VPS13D: variants seen among roughly 807,000 people sequenced by gnomAD.
VPS13D encodes the protein vacuolar protein sorting 13 homolog D, also known as intermembrane lipid transfer protein VPS13D.
Under a neutral mutation model 461.9 loss-of-function variants are expected in VPS13D, and 187 were observed. The observed-to-expected ratio is 0.40, with a 90% confidence interval of 0.36 to 0.46. The LOEUF (loss-of-function observed/expected upper bound fraction) is 0.46. Among genes scored for constraint, VPS13D ranks in the 20% least tolerant of loss-of-function variants. The pLI, the probability that VPS13D is intolerant of heterozygous loss-of-function variation, is 0.60. For missense variants in VPS13D, 4,711 were observed against 5,364.9 expected, an observed-to-expected ratio of 0.88 and a Z score of 3.81; for synonymous variants, 1,951 against 1,986.3, an observed-to-expected ratio of 0.98 and a Z score of 0.47.
At chr1:12,475,486 G>A (rs1476952479) in intron 67 of VPS13D, among the ~76,000 whole-genome samples, 2 of 152,232 alleles carry the variant, frequency 1.3e-5, no homozygotes, top group Non-Finnish European at 2.9e-5. Context: ...ATATATGGCA[G>A]CCCGATAATG....
chr1:12,260,797 A>C lies in VPS13D; in HGVS notation c.1212+3A>C. ...ACAAACAGGAAGAACTAGCAGAGGT[A>C]AGAAATCCTCTACAAGAGGATTTGT... On this transcript the variant is annotated splice_donor_region_variant and intron_variant, in intron 11 of 69. Coordinates refer to ENST00000620676, the MANE Select transcript of VPS13D (RefSeq NM_015378.4). 3.7e-6 allele frequency: 6 copies of C among 1,613,988 alleles called. No homozygotes were observed. Among genetic ancestry groups the C allele is most frequent in the Non-Finnish European group, 5.1e-6 (6 of 1,179,806 alleles).
At chr1:12,429,107 C>CT (rs74318727) in intron 65 of VPS13D, among the ~76,000 whole-genome samples, 1,739 of 141,460 alleles carry the variant, frequency 0.012, 20 homozygotes, top group African/African-American at 0.038. Flanking sequence ...TATCTGACAA[C>CT]TTTTTTTTTT....
At chr1:12,407,830 T>G (rs1423262039) in intron 63 of VPS13D, among the ~76,000 whole-genome samples, 1 of 152,234 alleles carries the variant, frequency 6.6e-6, no homozygotes. Context: ...TCTTTGCTAC[T>G]TTGTGTGGTT....
intron 37 of VPS13D, among the ~76,000 whole-genome samples, chr1:12,332,114 A>G (rs888612407): frequency 6.6e-6 from 1 of 152,228 alleles, no homozygotes; most frequent in African/African-American, 2.4e-5. Flanking sequence ...ACTATACATT[A>G]CTACCACTAC....
At position 12,396,026 on chromosome 1, in the gene VPS13D, TA is replaced by T. The variant is rs1557754798; in HGVS notation, c.11635-4154del. Among the ~76,000 whole-genome samples, 96 of 135,568 alleles carry T rather than the reference TA, an allele frequency of 7.1e-4. 8 individuals are homozygous for T. The highest frequency in any genetic ancestry group is 3.0e-3 in the East Asian group (15 of 4,926). 88.9% of individuals were successfully genotyped at this position (135,568 alleles called of 152,430 possible). ...ATATATATATATATATATATATATA[TA>T]TAGTTCTTTAAGATCAATAAAATTA... On this transcript the variant is annotated intron_variant, in intron 60 of 69. Coordinates refer to ENST00000620676, the MANE Select transcript of VPS13D (RefSeq NM_015378.4).
At chr1:12,478,722 G>A (rs1050832687) in intron 67 of VPS13D, 30 of 450,870 alleles carry the variant, frequency 6.7e-5, no homozygotes, top group Non-Finnish European at 1.2e-4. Context: ...GAGAAGCAAA[G>A]CAGTCTGCCT....
intron 67 of VPS13D, among the ~76,000 whole-genome samples, chr1:12,466,679 T>C (rs745503925): frequency 2.0e-5 from 3 of 151,968 alleles, no homozygotes; most frequent in Non-Finnish European, 4.4e-5. Flanking sequence ...ATGTATATGG[T>C]AGAGGTGAAA....
chr1:12,446,301 C>T (rs1338763901), intron 65 of VPS13D, among the ~76,000 whole-genome samples: 1 of 151,982 alleles, frequency 6.6e-6, no homozygotes, highest in Non-Finnish European at 1.5e-5. Flanking sequence ...CCTGTAATCC[C>T]AGTCACTCAG....
chr1:12,244,232 CCTT>C lies in VPS13D; in HGVS notation c.176-11_176-9del. 6.3e-7 allele frequency: 1 copy of C among 1,599,096 alleles called. No homozygotes were observed. Among genetic ancestry groups the C allele is most frequent in the Non-Finnish European group, 8.5e-7 (1 of 1,174,752 alleles). Reference sequence around the variant, plus strand: ...GTGTACAGATGGTGAACAAGACTTTCCTTCTCCTTCCAGGCTTCATTGGGAAAG... The same window carrying C: ...GTGTACAGATGGTGAACAAGACTTTCCTCCTTCCAGGCTTCATTGGGAAAG... On this transcript the variant is annotated splice_polypyrimidine_tract_variant and intron_variant, in intron 3 of 69. Coordinates refer to ENST00000620676, the MANE Select transcript of VPS13D (RefSeq NM_015378.4).
At position 12,291,048 on chromosome 1, in the gene VPS13D, C is replaced by T. The variant is rs1642118788; in HGVS notation, c.5776C>T (p.Leu1926Phe). The T allele has an allele frequency of 1.2e-6, 2 of 1,613,918 alleles. No individual in the cohort carries two copies. The highest frequency in any genetic ancestry group is 1.3e-5 in the African/African-American group (1 of 74,918). ...CATTGGGAGTCTGTCTCTAAGTGAC[C>T]TCACATGCCATGGAGAGTTCTACAG... ...GSIGSLSLSD[L>F]TCHGEFYRER... is the part of the protein sequence containing the mutation. Residue 1926 changes from leucine (L) to phenylalanine (F), a missense_variant, in exon 23 of 70, where the codon CTC becomes TTC. Around this residue, in one of 3 missense-constraint regions of VPS13D, gnomAD observed 4,411 missense variants for 4,937.8 expected, o/e 0.89. Transcript: ENST00000620676.
Position 12,279,029 on chromosome 1 carries a change from A to G in VPS13D, c.4451-470A>G, listed in dbSNP as rs532380870. Among the ~76,000 whole-genome samples the G allele has an allele frequency of 1.6e-4, 25 of 152,310 alleles. No individual in the cohort carries two copies. The highest frequency in any genetic ancestry group is 3.9e-4 in the East Asian group (2 of 5,190). ...TCACTGATTTGTTTTTATACTTATCAAAAGATAGCTTTCTCTGCTTGGATA... is the reference window on the plus strand; with the variant it reads ...TCACTGATTTGTTTTTATACTTATCGAAAGATAGCTTTCTCTGCTTGGATA... On this transcript the variant is annotated intron_variant, in intron 19 of 69. Coordinates refer to ENST00000620676, the MANE Select transcript of VPS13D (RefSeq NM_015378.4). The surrounding 1 kb of genome is among the most constrained non-coding windows in gnomAD (Gnocchi z 4.3).
intron 35 of VPS13D, among the ~76,000 whole-genome samples, 172 bp from the exon 36 acceptor site, chr1:12,327,476 C>T (rs1643221216): frequency 7.0e-6 from 1 of 143,188 alleles, no homozygotes; most frequent in Admixed American, 7.1e-5. Context: ...CCACCCCCCA[C>T]CCCCACCACC....
At chr1:12,393,525 C>G (rs1306846526) in intron 60 of VPS13D, among the ~76,000 whole-genome samples, 1 of 152,170 alleles carries the variant, frequency 6.6e-6, no homozygotes, top group Non-Finnish European at 1.5e-5. Context: ...TTGGAGTCAC[C>G]ATTTGGTTAA....
intron 68 of VPS13D, among the ~76,000 whole-genome samples, chr1:12,504,244 G>C (rs1404466103): frequency 2.6e-5 from 4 of 152,218 alleles, no homozygotes; most frequent in African/African-American, 9.6e-5. Context: ...TCAGGAGGAT[G>C]ATGGGGACAG....
In VPS13D at chr1:12,435,136, C is replaced by T. The variant is rs1179117169; in HGVS notation, c.12333+18309C>T. Among the ~76,000 whole-genome samples, 4 of 152,154 alleles carry T rather than the reference C, an allele frequency of 2.6e-5. No homozygotes were observed. The East Asian group carries it at 7.7e-4, about 29-fold the overall frequency. On this transcript the variant is annotated intron_variant, in intron 65 of 69. Transcript: ENST00000620676. ...TGCTATACAGAAAACATGGGATAGA[C>T]ACTGATACTGATTGCCCAGTTGAAA...
chr1:12,351,670 C>T (rs1643798660), intron 46 of VPS13D, among the ~76,000 whole-genome samples: 1 of 151,762 alleles, frequency 6.6e-6, no homozygotes, highest in African/African-American at 2.4e-5. Context: ...TGGCTCACTG[C>T]AGCCTCCGCC....
chr1:12,451,352 T>C (rs1645260097), intron 65 of VPS13D, among the ~76,000 whole-genome samples: 5 of 152,234 alleles, frequency 3.3e-5, no homozygotes, highest in African/African-American at 1.2e-4. Flanking sequence ...GCTGAAAATA[T>C]TGCTTTATAG....
At chr1:12,358,389 C>T (rs1643905519) in intron 49 of VPS13D, 70 bp from the exon 50 acceptor site, 6 of 1,579,900 alleles carry the variant, frequency 3.8e-6, no homozygotes, top group Non-Finnish European at 5.2e-6. Context: ...ATTAGTGTTT[C>T]CCAATTAGAA....
intron 67 of VPS13D, among the ~76,000 whole-genome samples, chr1:12,484,885 G>A (rs984443096): frequency 6.6e-6 from 1 of 151,998 alleles, no homozygotes; most frequent in Non-Finnish European, 1.5e-5. Flanking sequence ...TCAGTGTGAT[G>A]CCACAGGTTT....
Sources: gnomAD v4.1 joint callset for allele counts (sites outside exome capture counted in the v4.1 genomes callset) on GRCh38, gnomAD v4.1.1 for gene constraint, gnomAD v4.1.1 regional missense constraint, Gnocchi (gnomAD v3.1) non-coding constraint, MANE v1.5 for transcripts, NCBI Gene and HGNC (gene_info 2026-07-23, HGNC 2026-07-21) for gene names.